PTAFR: variants seen among roughly 807,000 people sequenced by gnomAD.
PTAFR encodes the protein platelet-activating factor receptor.
PTAFR carries 8 observed loss-of-function variants against 14.7 expected under a neutral mutation model. That is an observed-to-expected ratio of 0.54 (90% CI 0.32 to 0.98). PTAFR has a LOEUF of 0.98. Ranked by LOEUF, PTAFR falls within the 50% of genes least tolerant of loss-of-function variation. PTAFR has a pLI of 0.04. For synonymous variants in PTAFR, 156 were observed against 176.5 expected (o/e 0.88, Z 0.92); for missense variants, 337 against 451.2 (o/e 0.75, Z 2.29).
intron 1 of PTAFR, among the ~76,000 whole-genome samples, chr1:28,163,741 G>T (rs1331075628): frequency 2.0e-5 from 3 of 152,214 alleles, no homozygotes; most frequent in African/African-American, 7.2e-5. Context: ...TGGAGCCAGG[G>T]GAGGGGACTG....
chr1:28,170,628 A>G (rs1353918796), intron 1 of PTAFR, among the ~76,000 whole-genome samples: 2 of 152,018 alleles, frequency 1.3e-5, no homozygotes, highest in East Asian at 3.9e-4. Context: ...CTGCAGGATC[A>G]CTTGGGTCCA....
chr1:28,179,736 G>T (rs187876849), upstream of PTAFR, among the ~76,000 whole-genome samples: 38 of 152,196 alleles, frequency 2.5e-4, 1 homozygote, highest in Admixed American at 2.2e-3. Flanking sequence ...TGGCTTGGGA[G>T]GTTGAGGCAT....
chr1:28,180,890 A>C (rs2149006071), upstream of PTAFR, among the ~76,000 whole-genome samples: 1 of 152,292 alleles, frequency 6.6e-6, no homozygotes, highest in African/African-American at 2.4e-5. Context: ...ATGAAGAAAA[A>C]AGAAAGGAAG....
At chr1:28,174,485 T>C (rs1484173843) in intron 1 of PTAFR, among the ~76,000 whole-genome samples, 2 of 152,176 alleles carry the variant, frequency 1.3e-5, no homozygotes, top group Admixed American at 6.5e-5. Flanking sequence ...CTCAGTCCTG[T>C]AGGCACATTT....
intron 1 of PTAFR, among the ~76,000 whole-genome samples, chr1:28,152,460 G>T (rs1421884188): frequency 6.6e-6 from 1 of 152,116 alleles, no homozygotes; most frequent in Non-Finnish European, 1.5e-5. Flanking sequence ...AAAATCAGCT[G>T]GGTGTGGTGT....
In PTAFR at chr1:28,149,979, C is replaced by G. The variant is rs1171778608; in HGVS notation, c.*14G>C. 2.5e-6 allele frequency: 4 copies of G among 1,601,430 alleles called. 1 individual carries two copies. The South Asian group carries it at 3.4e-5, about 14-fold the overall frequency. On this transcript the variant is annotated 3_prime_UTR_variant, in exon 2 of 2. Coordinates refer to ENST00000373857, the MANE Select transcript of PTAFR (RefSeq NM_000952.5). ...TGTTCATGGAGGAGAAGACTTCAGG[C>G]CTGGAAGCAGGGACTAATTTTTGAG... is the stretch of plus-strand genomic sequence containing the variant.
chr1:28,193,035 T>A (rs916466083), intron 1 of PTAFR, among the ~76,000 whole-genome samples: 3 of 152,162 alleles, frequency 2.0e-5, no homozygotes, highest in Non-Finnish European at 2.9e-5. Context: ...CTCCACTGTG[T>A]GGCCTGGCTG....
intron 1 of PTAFR, among the ~76,000 whole-genome samples, chr1:28,160,739 C>T (rs1287339711): frequency 6.6e-6 from 1 of 152,110 alleles, no homozygotes; most frequent in African/African-American, 2.4e-5. Flanking sequence ...AAGAGTAGGC[C>T]TCCTCCTTCC....
At chr1:28,153,581 CAA>C (rs36049566) in intron 1 of PTAFR, among the ~76,000 whole-genome samples, 118 of 62,682 alleles carry the variant, frequency 1.9e-3, no homozygotes, top group African/African-American at 5.2e-3. Flanking sequence ...CCTGTCTCTA[CAA>C]AAAAAAAAAA....
At position 28,149,990 on chromosome 1, in the gene PTAFR, G is replaced by T. The variant is rs745973257; in HGVS notation, c.*3C>A. The T allele has an allele frequency of 6.2e-7, 1 of 1,608,828 alleles. No individual in the cohort carries two copies. ...GAGAAGACTTCAGGCCTGGAAGCAG[G>T]GACTAATTTTTGAGGGAATTGCCAG... On this transcript the variant is annotated 3_prime_UTR_variant, in exon 2 of 2. Coordinates refer to ENST00000373857, the MANE Select transcript of PTAFR (RefSeq NM_000952.5).
chr1:28,190,267 G>T (rs976725749), intron 1 of PTAFR, among the ~76,000 whole-genome samples: 4 of 152,196 alleles, frequency 2.6e-5, no homozygotes, highest in Non-Finnish European at 4.4e-5. Flanking sequence ...ACCATGCCTG[G>T]CCAGATAACA....
At chr1:28,174,919 GTTTGTTTTGT>G (rs903774534) in intron 1 of PTAFR, among the ~76,000 whole-genome samples, 1 of 152,146 alleles carries the variant, frequency 6.6e-6, no homozygotes, top group Non-Finnish European at 1.5e-5. Flanking sequence ...TCAGTGGTTT[GTTTGTTTTGT>G]TTTGTTTTGT....
intron 1 of PTAFR, among the ~76,000 whole-genome samples, chr1:28,193,093 C>T (rs1335392522): frequency 6.6e-6 from 1 of 152,132 alleles, no homozygotes; most frequent in Non-Finnish European, 1.5e-5. Flanking sequence ...GGATTACTGA[C>T]CTACTGACTG....
At chr1:28,167,256 TAAC>T (rs2148999320) in intron 1 of PTAFR, among the ~76,000 whole-genome samples, 1 of 152,148 alleles carries the variant, frequency 6.6e-6, no homozygotes, top group East Asian at 1.9e-4. Flanking sequence ...TACAACTCAG[TAAC>T]AACAATAACA....
chr1:28,191,586 AAGAGAGAGAGAG>A (rs35747744), intron 1 of PTAFR, among the ~76,000 whole-genome samples: 4 of 145,480 alleles, frequency 2.7e-5, no homozygotes, highest in Admixed American at 6.9e-5. Flanking sequence ...GAAAAAAGAA[AAGAGAGAGAGAG>A]AGAGAGAGAG....
intron 1 of PTAFR, among the ~76,000 whole-genome samples, chr1:28,168,887 C>T (rs1646421731): frequency 6.6e-6 from 1 of 152,036 alleles, no homozygotes; most frequent in African/African-American, 2.4e-5. Flanking sequence ...AGGATAGTCT[C>T]GAACTCCTGA....
intron 1 of PTAFR, among the ~76,000 whole-genome samples, chr1:28,154,973 C>T (rs1034388126): frequency 2.0e-5 from 3 of 152,052 alleles, no homozygotes; most frequent in South Asian, 2.1e-4. Context: ...TCCAAAAGTG[C>T]GGCAAGAGCT....
intron 1 of PTAFR, among the ~76,000 whole-genome samples, chr1:28,154,585 G>A (rs1371117120): frequency 6.6e-6 from 1 of 152,126 alleles, no homozygotes; most frequent in Non-Finnish European, 1.5e-5. Context: ...GCCAAGGTGG[G>A]TGGATTGCCT....
At chr1:28,175,820 A>T (rs886965999) in intron 1 of PTAFR, among the ~76,000 whole-genome samples, 2 of 151,900 alleles carry the variant, frequency 1.3e-5, no homozygotes, top group Non-Finnish European at 2.9e-5. Flanking sequence ...GGGAGATGGG[A>T]TTATCATTAT....
Sources: gnomAD v4.1 joint callset for allele counts (sites outside exome capture counted in the v4.1 genomes callset) on GRCh38, gnomAD v4.1.1 for gene constraint, MANE v1.5 for transcripts, NCBI Gene and HGNC (gene_info 2026-07-23, HGNC 2026-07-21) for gene names.